Variants in UNC13B observed in about 807,000 individuals in gnomAD.
UNC13B encodes the protein protein unc-13 homolog B.
In UNC13B, 144 loss-of-function variants were observed where a neutral mutation model predicts 211.0. That is an observed-to-expected ratio of 0.68 (90% CI 0.60 to 0.78). The LOEUF (loss-of-function observed/expected upper bound fraction) is 0.78. Among genes scored for constraint, UNC13B ranks in the 30% least tolerant of loss-of-function variants. UNC13B has a pLI of 0.00. For missense variants in UNC13B, 1,777 were observed against 2,002.0 expected, an observed-to-expected ratio of 0.89 and a Z score of 2.14; for synonymous variants, 709 against 725.8, an observed-to-expected ratio of 0.98 and a Z score of 0.37.
In UNC13B at chr9:35,381,590, G is replaced by A. The variant is rs911067546; in HGVS notation, c.10526G>A (p.Ser3509Asn). 2 of 1,614,194 alleles carry A rather than the reference G, an allele frequency of 1.2e-6. No homozygotes were observed. Among genetic ancestry groups the A allele is most frequent in the Middle Eastern group, 1.6e-4 (1 of 6,062 alleles). The stretch of plus-strand genomic sequence containing the variant: ...CATTACCTCACAGACATTCAGGGCA[G>A]TGGAGGAGTCCGCATCCCTGAAGCT... ...LFHYLTDIQG[S>N]GGVRIPEARG... is the part of the protein sequence containing the mutation. The change falls in exon 20 of 40, where the codon AGT becomes AAT. Residue 3509 changes from serine (S) to asparagine (N), a missense_variant. By Grantham distance (46) the Ser-to-Asn change is conservative. Coordinates refer to ENST00000635942, the MANE Select transcript of UNC13B (RefSeq NM_001371189.2).
chr9:35,194,583 T>G (rs530283599), intron 1 of UNC13B, among the ~76,000 whole-genome samples: 1 of 152,308 alleles, frequency 6.6e-6, no homozygotes, highest in Non-Finnish European at 1.5e-5. Flanking sequence ...ATCTGAGTCT[T>G]TAAGAATGGC....
chr9:35,351,559 A>C, intron 11 of UNC13B: 1 of 1,232,350 alleles, frequency 8.1e-7, no homozygotes, highest in Non-Finnish European at 1.0e-6. Context: ...CAGAGGAAGA[A>C]ATCATGGTTA....
chr9:35,274,048 T>A (rs773190509), intron 7 of UNC13B, among the ~76,000 whole-genome samples: 21 of 152,166 alleles, frequency 1.4e-4, no homozygotes, highest in Non-Finnish European at 2.8e-4. Context: ...GAGGATCTAG[T>A]GCTTCCTGAC....
At chr9:35,217,961 C>T (rs527898236) in intron 1 of UNC13B, among the ~76,000 whole-genome samples, 1 of 151,980 alleles carries the variant, frequency 6.6e-6, no homozygotes, top group East Asian at 1.9e-4. Context: ...GAGGTGGAGG[C>T]TGCAGTGAGC....
rs1829898930 is a variant in UNC13B, at chr9:35,305,884, T to C, written c.6480T>C (p.Ser2160=). 7.5e-6 allele frequency: 3 copies of C among 398,730 alleles called. No homozygotes were observed. Among genetic ancestry groups the C allele is most frequent in the Non-Finnish European group, 1.3e-5 (3 of 226,034 alleles). 24.7% of individuals were successfully genotyped at this position (398,730 alleles called of 1,614,324 possible). ...SSQPELSTKK[S]IFSFLTGSEK... Reference sequence around the variant, plus strand: ...AACCAGAGTTATCAACCAAAAAGAGTATATTTTCTTTTCTCACTGGATCTG... The same window carrying C: ...AACCAGAGTTATCAACCAAAAAGAGCATATTTTCTTTTCTCACTGGATCTG... Residue 2160 remains serine (S), a synonymous_variant, in exon 9 of 40, where the codon AGT becomes AGC. Coordinates refer to ENST00000635942, the MANE Select transcript of UNC13B (RefSeq NM_001371189.2).
chr9:35,258,076 A>T (rs1827038438), intron 6 of UNC13B, among the ~76,000 whole-genome samples: 1 of 152,250 alleles, frequency 6.6e-6, no homozygotes, highest in Admixed American at 6.5e-5. Flanking sequence ...CACGTAGTGG[A>T]TACTCAATCA....
At chr9:35,203,049 C>T (rs1340738599) in intron 1 of UNC13B, among the ~76,000 whole-genome samples, 1 of 152,164 alleles carries the variant, frequency 6.6e-6, no homozygotes, top group Non-Finnish European at 1.5e-5. Context: ...ACCTTGGCCT[C>T]CCAAAGTGCT....
chr9:35,377,483 G>A lies in UNC13B; in HGVS notation c.9851G>A (p.Ser3284Asn). Residue 3284 changes from serine (S) to asparagine (N), a missense_variant, in exon 16 of 40, where the codon AGC becomes AAC. Transcript: ENST00000635942. ...ADCLQRAAEK[S>N]CKHGAEDRTQ... ...CCACCTTCAGGGGCTGCAGAAAAGA[G>A]CTGTAAACATGGAGCTGAGGACCGG... 1 of 1,614,248 alleles carries A rather than the reference G, an allele frequency of 6.2e-7. No individual in the cohort carries two copies. Among genetic ancestry groups the A allele is most frequent in the Non-Finnish European group, 8.5e-7 (1 of 1,180,048 alleles).
At chr9:35,346,065 A>C (rs1832337998) in intron 11 of UNC13B, among the ~76,000 whole-genome samples, 1 of 152,160 alleles carries the variant, frequency 6.6e-6, no homozygotes. Context: ...CCTTTGGCTA[A>C]TCTCACTTGC....
At position 35,306,352 on chromosome 9, in the gene UNC13B, A is replaced by G; in HGVS notation, c.6948A>G (p.Pro2316=). 2.5e-6 allele frequency: 1 copy of G among 399,044 alleles called. No homozygotes were observed. Among genetic ancestry groups the G allele is most frequent in the Non-Finnish European group, 4.4e-6 (1 of 226,044 alleles). The allele number at this position is 399,044 out of a possible 1,614,324, so 24.7% of individuals were successfully genotyped here. The change falls in exon 9 of 40, where the codon CCA becomes CCG. Residue 2316 remains proline (P), a synonymous_variant. Transcript: ENST00000635942. ...AAAAACTGAGTTCCAATATTGTACCAGGGACATCAGTGGATTTCCAGATGA... is the reference window on the plus strand; with the variant it reads ...AAAAACTGAGTTCCAATATTGTACCGGGGACATCAGTGGATTTCCAGATGA... ...CQEKLSSNIV[P]GTSVDFQMNE...
intron 11 of UNC13B, among the ~76,000 whole-genome samples, chr9:35,320,890 C>G (rs1330217217): frequency 6.6e-6 from 1 of 152,132 alleles, no homozygotes; most frequent in Non-Finnish European, 1.5e-5. Flanking sequence ...GCCAGAGATG[C>G]CCCGCATTAT....
rs1279090922 is a variant in UNC13B at position 35,396,423 on chromosome 9, G to A, written c.11309-53G>A. The A allele has an allele frequency of 3.7e-6, 6 of 1,609,556 alleles. No homozygotes were observed. In the Admixed American group the frequency reaches 5.0e-5, roughly 13 times the overall value. ...GATCTGCTGCCTTGGGAAGGCTCAG[G>A]AACCATGGCCTCTACTGCTGGGACC... is the stretch of plus-strand genomic sequence containing the variant. On this transcript the variant is annotated intron_variant, in intron 26 of 39. Transcript: ENST00000635942.
At chr9:35,243,472 C>A in intron 6 of UNC13B, 108 bp downstream of exon 6, 1 of 1,144,582 alleles carries the variant, frequency 8.7e-7, no homozygotes, top group Non-Finnish European at 1.3e-6. Context: ...AGAATGAAAT[C>A]ACTTAAATTG....
At chr9:35,193,251 T>C (rs1354267949) in intron 1 of UNC13B, among the ~76,000 whole-genome samples, 2 of 152,194 alleles carry the variant, frequency 1.3e-5, no homozygotes, top group Non-Finnish European at 2.9e-5. Flanking sequence ...TTACAGTCCA[T>C]GCTAAAGTGT....
chr9:35,166,115 C>T (rs1329227644), intron 1 of UNC13B, among the ~76,000 whole-genome samples: 1 of 152,138 alleles, frequency 6.6e-6, no homozygotes, highest in Non-Finnish European at 1.5e-5. Context: ...GTCGTGGTGG[C>T]TCTTGCCTGT....
At chr9:35,203,428 CTGGATATGAAATTCTGGG>C (rs1423057819) in intron 1 of UNC13B, among the ~76,000 whole-genome samples, 1 of 152,144 alleles carries the variant, frequency 6.6e-6, no homozygotes, top group Non-Finnish European at 1.5e-5. Context: ...CTTAGTTTGG[CTGGATATGAAATTCTGGG>C]TTGAAAATTC....
rs368114561 is a variant in UNC13B, at chr9:35,243,271, T to C, written c.395-20T>C. On this transcript the variant is annotated intron_variant, in intron 5 of 39. Coordinates refer to ENST00000635942, the MANE Select transcript of UNC13B (RefSeq NM_001371189.2). ...CTGCTGATGTGATTTCTTTTCTTTT[T>C]CTTCTTTTTTTTATGGTAGATATCC... 4.3e-5 allele frequency: 70 copies of C among 1,611,242 alleles called. 1 individual carries two copies. Among genetic ancestry groups the C allele is most frequent in the Non-Finnish European group, 5.3e-5 (63 of 1,178,096 alleles).
chr9:35,236,919 C>T (rs1252107130), intron 4 of UNC13B, among the ~76,000 whole-genome samples: 1 of 152,122 alleles, frequency 6.6e-6, no homozygotes, highest in African/African-American at 2.4e-5. Flanking sequence ...TAAGTCACTG[C>T]CCTGGGAGGA....
chr9:35,397,517 ATTCCCCCT>A (rs1835964805), intron 29 of UNC13B, 110 bp from the exon 30 acceptor site: 1 of 1,319,136 alleles, frequency 7.6e-7, no homozygotes, highest in Admixed American at 2.0e-5. Context: ...GTACTGTGGG[ATTCCCCCT>A]TTACCTCCCT....
Sources: gnomAD v4.1 joint callset for allele counts (sites outside exome capture counted in the v4.1 genomes callset) on GRCh38, gnomAD v4.1.1 for gene constraint, MANE v1.5 for transcripts, NCBI Gene and HGNC (gene_info 2026-07-23, HGNC 2026-07-21) for gene names.